AMELX: variants seen among roughly 807,000 people sequenced by gnomAD.
AMELX encodes the protein amelogenin, X isoform.
A neutral mutation model predicts 15.8 loss-of-function variants in AMELX; 9 were observed. That is an observed-to-expected ratio of 0.57 (90% CI 0.34 to 0.99). AMELX has a LOEUF of 0.99. Ranked by LOEUF, AMELX falls within the 50% of genes least tolerant of loss-of-function variation. The pLI, the probability that AMELX is intolerant of heterozygous loss-of-function variation, is 0.02. For synonymous variants in AMELX, 61 were observed against 58.8 expected, an observed-to-expected ratio of 1.04 and a Z score of -0.17; for missense variants, 107 against 156.2, an observed-to-expected ratio of 0.68 and a Z score of 1.68.
chrX:11,295,078 A>G (rs1435018483), intron 2 of AMELX, among the ~76,000 whole-genome samples: 1 of 112,098 alleles, frequency 8.9e-6, no homozygotes, highest in Non-Finnish European at 1.9e-5. Context: ...CTGCATTTTT[A>G]TAAGCACCCC....
chrX:11,302,179 G>A (rs2048182603), downstream of AMELX, among the ~76,000 whole-genome samples: 1 of 112,117 alleles, frequency 8.9e-6, no homozygotes, highest in African/African-American at 3.2e-5. Context: ...CATTTTAAGC[G>A]CTAAATAGCC....
At chrX:11,301,727 G>A (rs769020499), downstream of AMELX, among the ~76,000 whole-genome samples, 15 of 112,090 alleles carry the variant, frequency 1.3e-4, no homozygotes, top group Non-Finnish European at 2.8e-4. Context: ...TCTAGGGCAA[G>A]GCACTATTCC....
At chrX:11,301,944 G>A (rs2048179583), downstream of AMELX, among the ~76,000 whole-genome samples, 1 of 112,010 alleles carries the variant, frequency 8.9e-6, no homozygotes, top group African/African-American at 3.2e-5. Context: ...TGTTGGCAGA[G>A]CTGGAATCAA....
At chrX:11,300,904 C>A (rs1056284047), downstream of AMELX, 9 of 221,351 alleles carry the variant, frequency 4.1e-5, no homozygotes, top group African/African-American at 2.6e-4. Context: ...GAATATATTT[C>A]TTTTTAGAGA....
At chrX:11,302,687 A>G (rs1337669578), downstream of AMELX, among the ~76,000 whole-genome samples, 2 of 111,563 alleles carry the variant, frequency 1.8e-5, no homozygotes, top group African/African-American at 6.5e-5. Flanking sequence ...ACACATGTGG[A>G]GACATGTGCC....
chrX:11,301,149 G>A (rs779087147), downstream of AMELX, among the ~76,000 whole-genome samples: 23 of 100,648 alleles, frequency 2.3e-4, no homozygotes, highest in Middle Eastern at 4.7e-3. Flanking sequence ...CACCACACTG[G>A]CAATCAAAAT....
chrX:11,301,214 T>C (rs2048171522), downstream of AMELX, among the ~76,000 whole-genome samples: 1 of 112,025 alleles, frequency 8.9e-6, no homozygotes. Flanking sequence ...AATTATGTGA[T>C]ATGCATAATA....
chrX:11,304,777 C>CTTTTTTTTTTTTTTTTTTTTT (rs953912280), downstream of AMELX, among the ~76,000 whole-genome samples: 4 of 50,307 alleles, frequency 8.0e-5, 1 homozygote, highest in Non-Finnish European at 1.5e-4. Flanking sequence ...CTTTCTTTTA[C>CTTTTTTTTTTTTTTTTTTTTT]TTTTTTTTTT....
downstream of AMELX, among the ~76,000 whole-genome samples, chrX:11,305,599 C>T (rs955930318): frequency 9.0e-6 from 1 of 111,131 alleles, no homozygotes; most frequent in African/African-American, 3.3e-5. Flanking sequence ...TGTGTCTACC[C>T]GAGTGATAAA....
At chrX:11,294,981 C>T (rs1261803777) in intron 2 of AMELX, 139 bp downstream of exon 2, 1 of 690,558 alleles carries the variant, frequency 1.4e-6, no homozygotes, top group Non-Finnish European at 2.3e-6. Flanking sequence ...TGAAGAAACA[C>T]TTCAGGAGCT....
chrX:11,296,706 T>C (rs774632042), intron 2 of AMELX, 73 bp from the exon 3 acceptor site: 124 of 1,065,198 alleles, frequency 1.2e-4, no homozygotes, highest in Non-Finnish European at 1.5e-4. Context: ...CTTAATCTCT[T>C]CCTCTCTCTT....
At chrX:11,306,966 G>C in the AMELX span, among the ~76,000 whole-genome samples, 1 of 111,555 alleles carries the variant, frequency 9.0e-6, no homozygotes, top group East Asian at 2.8e-4. Flanking sequence ...CCTACGCTAG[G>C]ACAACATTGC....
At chrX:11,307,065 G>A in the AMELX span, among the ~76,000 whole-genome samples, 10 of 111,105 alleles carry the variant, frequency 9.0e-5, no homozygotes, top group Non-Finnish European at 1.7e-4. Context: ...AAGGATGGAT[G>A]GAAAACAAAG....
Position 11,300,626 on chromosome X carries a change from G to T in AMELX, c.*14G>T, listed in dbSNP as rs372488657. On this transcript the variant is annotated 3_prime_UTR_variant, in exon 6 of 6. Transcript: ENST00000380714. The stretch of plus-strand genomic sequence containing the variant: ...TTTCAGGATTAAAAGATCAGAAGAT[G>T]AGAGGGGAATGAATACTTCAGATGC... The T allele has an allele frequency of 2.5e-6, 3 of 1,193,990 alleles. No homozygotes were observed. In the South Asian group the frequency reaches 5.4e-5, roughly 21 times the overall value.
At chrX:11,303,406 G>C (rs1001930983), downstream of AMELX, among the ~76,000 whole-genome samples, 1 of 111,980 alleles carries the variant, frequency 8.9e-6, no homozygotes, top group South Asian at 3.7e-4. Flanking sequence ...ATAAGATTGG[G>C]CTGGGAGTGG....
chrX:11,295,781 T>C (rs192423084), intron 2 of AMELX, among the ~76,000 whole-genome samples: 1 of 112,284 alleles, frequency 8.9e-6, no homozygotes, highest in Non-Finnish European at 1.9e-5. Context: ...AGGACCTGAC[T>C]AAAACCATTC....
At chrX:11,300,093 C>T (rs2048151268) in intron 5 of AMELX, among the ~76,000 whole-genome samples, 1 of 111,867 alleles carries the variant, frequency 8.9e-6, no homozygotes, top group South Asian at 3.7e-4. Flanking sequence ...ATTGGCTATT[C>T]TAGTCCAAGG....
the AMELX span, among the ~76,000 whole-genome samples, chrX:11,309,223 T>C: frequency 9.0e-6 from 1 of 111,692 alleles, no homozygotes; most frequent in Non-Finnish European, 1.9e-5. Flanking sequence ...GAGCCTGAAA[T>C]ACACACACCG....
At position 11,299,045 on chromosome X, in the gene AMELX, T is replaced by G. The variant is rs999929219; in HGVS notation, c.570+72T>G. 17 of 1,116,977 alleles carry G rather than the reference T, an allele frequency of 1.5e-5. No homozygotes were observed. In the African/African-American group the frequency reaches 3.1e-4, roughly 20 times the overall value. The allele number at this position is 1,116,977 out of a possible 1,213,427, so 92.1% of individuals were successfully genotyped here. Reference sequence around the variant, plus strand: ...TGCAGCAAAATAGGCCCCAGAGTTCTAAGGTCTCCGACAACCAAGGATCTA... The same window carrying G: ...TGCAGCAAAATAGGCCCCAGAGTTCGAAGGTCTCCGACAACCAAGGATCTA... On this transcript the variant is annotated intron_variant, in intron 5 of 5. Transcript: ENST00000380714.
Sources: gnomAD v4.1 joint callset for allele counts (sites outside exome capture counted in the v4.1 genomes callset) on GRCh38, gnomAD v4.1.1 for gene constraint, MANE v1.5 for transcripts, NCBI Gene and HGNC (gene_info 2026-07-23, HGNC 2026-07-21) for gene names.